CNOT10: variants seen among roughly 807,000 people sequenced by gnomAD.
CNOT10 encodes the protein CCR4-NOT transcription complex subunit 10, also known as CCR4-NOT transcription complex, subunit 10.
Under a neutral mutation model 94.6 loss-of-function variants are expected in CNOT10, and 30 were observed. That is an observed-to-expected ratio of 0.32 (90% CI 0.24 to 0.43). The LOEUF (loss-of-function observed/expected upper bound fraction) is 0.43. Ranked by LOEUF, CNOT10 falls within the 20% of genes least tolerant of loss-of-function variation. CNOT10 has a pLI of 1.00. For synonymous variants in CNOT10, 289 were observed against 301.6 expected (o/e 0.96, Z 0.43); for missense variants, 759 against 877.2 (o/e 0.87, Z 1.70).
intron 1 of CNOT10, among the ~76,000 whole-genome samples, chr3:32,687,473 A>T (rs1369751077): frequency 0.013 from 7 of 526 alleles, no homozygotes; most frequent in Non-Finnish European, 0.051. Flanking sequence ...TTTTTTTGAG[A>T]CGGAGTCTCG....
intron 18 of CNOT10, 114 bp from the exon 19 acceptor site, chr3:32,773,343 A>C: frequency 9.3e-7 from 1 of 1,075,682 alleles, no homozygotes; most frequent in South Asian, 1.7e-5. Context: ...CCAAGGCTGC[A>C]GATGACAGCT....
intron 8 of CNOT10, among the ~76,000 whole-genome samples, chr3:32,723,138 A>G (rs1022269277): frequency 6.6e-6 from 1 of 152,150 alleles, no homozygotes; most frequent in African/African-American, 2.4e-5. Flanking sequence ...TCACACCTGT[A>G]ATCTCAGCAC....
chr3:32,738,335 G>A (rs568985657), intron 13 of CNOT10, among the ~76,000 whole-genome samples: 6 of 152,092 alleles, frequency 3.9e-5, no homozygotes, highest in Non-Finnish European at 8.8e-5. Context: ...AAAAGGACAG[G>A]TATTACTTCT....
intron 17 of CNOT10, chr3:32,765,149 T>G: frequency 2.4e-6 from 1 of 412,388 alleles, no homozygotes; most frequent in South Asian, 2.1e-5. Flanking sequence ...TGAAACCCCA[T>G]CTCTACTAAA....
chr3:32,761,892 C>T (rs1487150586), intron 14 of CNOT10, among the ~76,000 whole-genome samples: 2 of 151,708 alleles, frequency 1.3e-5, no homozygotes, highest in Admixed American at 1.3e-4. Flanking sequence ...CCTGCCTCAG[C>T]CTCCCAAGTA....
chr3:32,721,429 CTTTTTT>C (rs58351356), intron 8 of CNOT10, among the ~76,000 whole-genome samples: 3 of 72,596 alleles, frequency 4.1e-5, no homozygotes, highest in African/African-American at 1.7e-4. Flanking sequence ...TTTCTTTCAT[CTTTTTT>C]TTTTTTTTTT....
At chr3:32,708,498 A>G (rs1323909199) in intron 3 of CNOT10, among the ~76,000 whole-genome samples, 172 bp from the exon 4 acceptor site, 2 of 152,240 alleles carry the variant, frequency 1.3e-5, no homozygotes, top group Admixed American at 6.5e-5. Flanking sequence ...CAGAAGAATG[A>G]AAATAATTTT....
intron 13 of CNOT10, among the ~76,000 whole-genome samples, chr3:32,741,109 A>T (rs1199107455): frequency 6.6e-6 from 1 of 152,052 alleles, no homozygotes; most frequent in Non-Finnish European, 1.5e-5. Context: ...GGTTACGACT[A>T]ATCTCTTTTT....
intron 12 of CNOT10, among the ~76,000 whole-genome samples, chr3:32,737,038 C>A (rs1424574551): frequency 2.0e-5 from 3 of 152,012 alleles, no homozygotes; most frequent in Non-Finnish European, 4.4e-5. Context: ...GGAGGCCGGG[C>A]GAGGTGAGAC....
At chr3:32,698,805 A>T (rs1359073968) in intron 1 of CNOT10, among the ~76,000 whole-genome samples, 1 of 152,182 alleles carries the variant, frequency 6.6e-6, no homozygotes, top group African/African-American at 2.4e-5. Context: ...TAGTTTATTA[A>T]GATGGGGTCT....
intron 3 of CNOT10, among the ~76,000 whole-genome samples, chr3:32,708,011 G>T (rs558415531): frequency 6.6e-6 from 1 of 151,958 alleles, no homozygotes; most frequent in East Asian, 1.9e-4. Flanking sequence ...TCAGCCTCCC[G>T]AGTAGCTGGG....
intron 9 of CNOT10, 48 bp downstream of exon 9, chr3:32,725,647 C>G: frequency 6.6e-7 from 1 of 1,525,176 alleles, no homozygotes; most frequent in Non-Finnish European, 8.9e-7. Flanking sequence ...TTCAGAAAAG[C>G]ATGATTTAAA....
At chr3:32,687,490 C>T (rs1696675292) in intron 1 of CNOT10, among the ~76,000 whole-genome samples, 2 of 98,014 alleles carry the variant, frequency 2.0e-5, no homozygotes. Context: ...CTCGCTCTGT[C>T]ACCCAGGCTG....
intron 8 of CNOT10, among the ~76,000 whole-genome samples, chr3:32,724,479 C>T (rs544628965): frequency 6.9e-6 from 1 of 144,678 alleles, no homozygotes; most frequent in South Asian, 2.2e-4. Context: ...GTGGTGCGAT[C>T]TCGGCTTACT....
At chr3:32,768,141 C>T (rs1700729842) in intron 17 of CNOT10, among the ~76,000 whole-genome samples, 1 of 152,124 alleles carries the variant, frequency 6.6e-6, no homozygotes, top group Admixed American at 6.5e-5. Flanking sequence ...CCATTCTGAA[C>T]AGCCAGTAAG....
At chr3:32,716,681 T>C (rs1698137717) in intron 6 of CNOT10, among the ~76,000 whole-genome samples, 1 of 152,174 alleles carries the variant, frequency 6.6e-6, no homozygotes, top group African/African-American at 2.4e-5. Context: ...GGAGCCTCAC[T>C]CTGTCACCCA....
At chr3:32,731,045 C>G (rs552881970) in intron 10 of CNOT10, 1 of 152,120 alleles carries the variant, frequency 6.6e-6, no homozygotes, top group African/African-American at 2.4e-5. Context: ...TTTTCATGGC[C>G]TTAGCAATAA....
intron 13 of CNOT10, among the ~76,000 whole-genome samples, chr3:32,741,567 A>C (rs535165517): frequency 6.6e-5 from 10 of 152,124 alleles, no homozygotes; most frequent in Non-Finnish European, 1.3e-4. Flanking sequence ...CAGGAGTTCA[A>C]GACCAGCCTG....
Position 32,765,759 on chromosome 3 carries a change from T to C in CNOT10, c.2004+950T>C. Among the ~76,000 whole-genome samples, 2 of 53,636 alleles carry C rather than the reference T, an allele frequency of 3.7e-5. 1 individual carries two copies. The highest frequency in any genetic ancestry group is 1.2e-4 in the African/African-American group (2 of 17,270). The allele number at this position is 53,636 out of a possible 152,430, so 35.2% of individuals were successfully genotyped here. A position where few individuals can be genotyped will look rare whatever the true frequency, so the allele number is the denominator to read the frequency against. ...TCACTTATATAAATAATAGTGCATC[T>C]GTACAGTTGAAGACAATGCAGCTAT... On this transcript the variant is annotated intron_variant, in intron 17 of 18. Coordinates refer to ENST00000328834, the MANE Select transcript of CNOT10 (RefSeq NM_015442.3).
Sources: gnomAD v4.1 joint callset for allele counts (sites outside exome capture counted in the v4.1 genomes callset) on GRCh38, gnomAD v4.1.1 for gene constraint, MANE v1.5 for transcripts, NCBI Gene and HGNC (gene_info 2026-07-23, HGNC 2026-07-21) for gene names.